CFAP46: variants seen among roughly 807,000 people sequenced by gnomAD.
CFAP46 encodes the protein cilia and flagella associated protein 46.
In CFAP46, 245 loss-of-function variants were observed where a neutral mutation model predicts 325.7. The observed-to-expected ratio is 0.75, with a 90% CI of 0.68 to 0.84. CFAP46 has a LOEUF of 0.84. Ranked by LOEUF, CFAP46 falls within the 40% of genes least tolerant of loss-of-function variation. CFAP46 has a pLI of 0.00. For synonymous variants in CFAP46, 1,523 were observed against 1,495.9 expected (o/e 1.02, Z -0.42); for missense variants, 3,346 against 3,543.0 (o/e 0.94, Z 1.41).
Position 132,937,014 on chromosome 10 carries a change from T to C in CFAP46, c.702A>G (p.Glu234=). Residue 234 remains glutamate (E), a synonymous_variant, in exon 7 of 58, where the codon GAA becomes GAG. Coordinates refer to ENST00000368586, the MANE Select transcript of CFAP46 (RefSeq NM_001200049.3). The part of the protein sequence containing the change: ...ELMDELQLKE[E]KKNSISLSVT... ...CTGACAGGCTAATGGAATTTTTCTT[T>C]TCTTCCTTTAACTGAAGTTCGTCCA... 1 of 1,538,786 alleles carries C rather than the reference T, an allele frequency of 6.5e-7. No individual in the cohort carries two copies. The highest frequency in any genetic ancestry group is 8.8e-7 in the Non-Finnish European group (1 of 1,132,544).
chr10:132,816,262 T>C (rs1021766196), intron 50 of CFAP46, among the ~76,000 whole-genome samples: 5 of 151,604 alleles, frequency 3.3e-5, no homozygotes, highest in Non-Finnish European at 7.4e-5. Context: ...TCTGTTTCCC[T>C]GGCGTCTTCT....
Position 132,850,392 on chromosome 10 carries a change from A to G in CFAP46, c.5804T>C (p.Leu1935Pro). ...TLKRTLAHGALAQLGSLQPLS... is the reference protein window; with the variant it reads ...TLKRTLAHGAPAQLGSLQPLS... ...CGGCTGCAGGCTCCCCAGCTGTGCC[A>G]GTGCCCCGTGTGCTAGAGTCCGCTT... The change falls in exon 41 of 58, where the codon CTG becomes CCG. Residue 1935 changes from leucine to proline, a missense_variant. Transcript: ENST00000368586. The G allele has an allele frequency of 6.3e-7, 1 of 1,579,460 alleles. No homozygotes were observed. Among genetic ancestry groups the G allele is most frequent in the Non-Finnish European group, 8.6e-7 (1 of 1,162,388 alleles).
At chr10:132,882,707 G>C (rs370557320) in intron 27 of CFAP46, among the ~76,000 whole-genome samples, 1 of 151,988 alleles carries the variant, frequency 6.6e-6, no homozygotes, top group African/African-American at 2.4e-5. Context: ...CCCTTAGCCC[G>C]GGGCCTCCTC....
chr10:132,929,366 G>A lies in CFAP46; in HGVS notation c.966+339C>T, dbSNP rs568495842. 6.5e-5 allele frequency: 41 copies of A among 632,112 alleles called. No homozygotes were observed. The African/African-American group carries it at 7.1e-4, about 11-fold the overall frequency. 39.2% of individuals were successfully genotyped at this position (632,112 alleles called of 1,614,324 possible). The stretch of plus-strand genomic sequence containing the variant: ...CTGCGGGTAACGAGGCACTGCCGGT[G>A]TGATTTACACGTCCAATAATGGGAC... On this transcript the variant is annotated intron_variant, in intron 9 of 57. Transcript: ENST00000368586.
chr10:132,924,548 G>T, intron 11 of CFAP46, 148 bp downstream of exon 11: 1 of 736,040 alleles, frequency 1.4e-6, no homozygotes, highest in Non-Finnish European at 1.9e-6. Context: ...CCCGGAGCTG[G>T]GACAGAGGGT....
At chr10:132,914,049 C>T (rs1283028663) in intron 17 of CFAP46, among the ~76,000 whole-genome samples, 4 of 148,832 alleles carry the variant, frequency 2.7e-5, no homozygotes, top group African/African-American at 7.5e-5. Flanking sequence ...TGTCCAGCCA[C>T]ACTGCACCCC....
At chr10:132,809,868 G>A (rs960151815) in intron 57 of CFAP46, among the ~76,000 whole-genome samples, 1 of 152,218 alleles carries the variant, frequency 6.6e-6, no homozygotes, top group Non-Finnish European at 1.5e-5. Context: ...GATGCCATGT[G>A]ACAGGCAGGC....
intron 44 of CFAP46, among the ~76,000 whole-genome samples, chr10:132,840,490 T>G (rs931208747): frequency 1.3e-5 from 2 of 152,226 alleles, no homozygotes; most frequent in South Asian, 2.1e-4. Flanking sequence ...TGTAATTTAT[T>G]GTTGTTGTCC....
At chr10:132,822,562 ATGTGTGCTGTGTGTGTGC>A (rs1336772987) in intron 50 of CFAP46, among the ~76,000 whole-genome samples, 9 of 80,072 alleles carry the variant, frequency 1.1e-4, no homozygotes, top group Non-Finnish European at 1.9e-4. Flanking sequence ...GTGTGCGCTG[ATGTGTGCTGTGTGTGTGC>A]TGTGTGCTGT....
chr10:132,883,353 G>C (rs1212855572), intron 27 of CFAP46, among the ~76,000 whole-genome samples: 1 of 152,210 alleles, frequency 6.6e-6, no homozygotes, highest in East Asian at 1.9e-4. Flanking sequence ...ACCTACAAAT[G>C]GCCCATAAGC....
At chr10:132,888,019 T>TCTCTCTCTC (rs1849190905) in intron 25 of CFAP46, among the ~76,000 whole-genome samples, 1 of 94,598 alleles carries the variant, frequency 1.1e-5, no homozygotes, top group Admixed American at 1.0e-4. Context: ...TCTCCCCTCT[T>TCTCTCTCTC]CTCTCCTCTC....
rs913135318 is a variant in CFAP46 at position 132,929,868 on chromosome 10, G to A, written c.867-64C>T. 3.7e-5 allele frequency: 41 copies of A among 1,108,392 alleles called. No individual in the cohort carries two copies. In the African/African-American group the frequency reaches 4.7e-4, roughly 13 times the overall value. The allele number at this position is 1,108,392 out of a possible 1,614,324, so 68.7% of individuals were successfully genotyped here. A position where few individuals can be genotyped will look rare whatever the true frequency, so the allele number is the denominator to read the frequency against. The stretch of plus-strand genomic sequence containing the variant: ...GGGCACAGGAAACATGGCTGCAGGC[G>A]AGAATCCATGTCCCCCGTTCAAGCA... On this transcript the variant is annotated intron_variant, in intron 8 of 57. Transcript: ENST00000368586.
At chr10:132,927,383 AGGT>A (rs1849828198) in intron 9 of CFAP46, among the ~76,000 whole-genome samples, 1 of 150,342 alleles carries the variant, frequency 6.7e-6, no homozygotes, top group African/African-American at 2.5e-5. Flanking sequence ...CCCGGGGAGC[AGGT>A]CCTCGGCGGC....
At chr10:132,910,786 T>A (rs1849529770) in intron 19 of CFAP46, among the ~76,000 whole-genome samples, 1 of 152,110 alleles carries the variant, frequency 6.6e-6, no homozygotes, top group South Asian at 2.1e-4. Flanking sequence ...TTCCCTTTCC[T>A]CCCCTCCATC....
At position 132,814,613 on chromosome 10, in the gene CFAP46, C is replaced by A. The variant is rs1847653648; in HGVS notation, c.7250-1G>T. ...GCCTCCTCGTATGGGTCCACGACGA[C>A]TGGGTCCCGGTCAAGGAGAAACGGG... is the stretch of plus-strand genomic sequence containing the variant. On this transcript the variant is annotated splice_acceptor_variant, in intron 52 of 57. Coordinates refer to ENST00000368586, the MANE Select transcript of CFAP46 (RefSeq NM_001200049.3). LOFTEE classifies it high-confidence loss of function. 2 of 1,576,592 alleles carry A rather than the reference C, an allele frequency of 1.3e-6. No individual in the cohort carries two copies. The highest frequency in any genetic ancestry group is 2.3e-5 in the East Asian group (1 of 43,580).
At chr10:132,836,289 C>T (rs550187253) in intron 45 of CFAP46, 71 bp from the exon 46 acceptor site, 32 of 1,484,598 alleles carry the variant, frequency 2.2e-5, no homozygotes, top group Non-Finnish European at 2.9e-5. Context: ...CCAGCTCCAG[C>T]GACCTCAGAG....
At chr10:132,860,640 G>A (rs375994547) in intron 36 of CFAP46, 117 bp from the exon 37 acceptor site, 8 of 1,174,434 alleles carry the variant, frequency 6.8e-6, no homozygotes, top group African/African-American at 3.1e-5. Flanking sequence ...GGGTAGATAC[G>A]GGTGTGTCTG....
chr10:132,873,935 A>C (rs1962173), intron 31 of CFAP46, among the ~76,000 whole-genome samples: 52,247 of 152,062 alleles, frequency 0.34, 10,129 homozygotes, highest in Admixed American at 0.5. Context: ...GAAAACTGTT[A>C]CAAGAAGAAA....
At chr10:132,912,103 C>A (rs1849548185) in intron 19 of CFAP46, among the ~76,000 whole-genome samples, 1 of 147,854 alleles carries the variant, frequency 6.8e-6, no homozygotes, top group Non-Finnish European at 1.5e-5. Flanking sequence ...AGCTGCCTCC[C>A]TGCTCTCTCC....
Sources: gnomAD v4.1 joint callset for allele counts (sites outside exome capture counted in the v4.1 genomes callset) on GRCh38, gnomAD v4.1.1 for gene constraint, MANE v1.5 for transcripts, NCBI Gene and HGNC (gene_info 2026-07-23, HGNC 2026-07-21) for gene names.